Variants in MYT1L observed in about 807,000 individuals in gnomAD.
MYT1L encodes myelin transcription factor 1-like protein.
MYT1L carries 12 observed loss-of-function variants against 126.7 expected under a neutral mutation model. That is an observed-to-expected ratio of 0.09 (90% CI 0.06 to 0.15). The LOEUF (loss-of-function observed/expected upper bound fraction) is 0.15. Ranked by LOEUF, MYT1L falls within the 10% of genes least tolerant of loss-of-function variation. MYT1L has a pLI of 1.00. For synonymous variants in MYT1L, 541 were observed against 604.2 expected, an observed-to-expected ratio of 0.90 and a Z score of 1.53; for missense variants, 979 against 1,585.2, an observed-to-expected ratio of 0.62 and a Z score of 6.49.
chr2:1,936,429 T>G (rs890157058), intron 9 of MYT1L, among the ~76,000 whole-genome samples: 1 of 152,252 alleles, frequency 6.6e-6, no homozygotes, highest in Admixed American at 6.5e-5. Flanking sequence ...CAAGATGCAG[T>G]GCCATGTACT....
intron 1 of MYT1L, among the ~76,000 whole-genome samples, chr2:2,299,421 G>T (rs996910963): frequency 6.6e-6 from 1 of 152,224 alleles, no homozygotes; most frequent in Non-Finnish European, 1.5e-5. Context: ...AGTTCGAACT[G>T]GTGTGGGCAG....
chr2:2,279,552 AGAAG>A (rs1395114403), intron 2 of MYT1L, among the ~76,000 whole-genome samples: 1 of 95,656 alleles, frequency 1.0e-5, no homozygotes, highest in Non-Finnish European at 2.3e-5. Context: ...AGAGAAAGAG[AGAAG>A]GAATGAATGA....
intron 3 of MYT1L, among the ~76,000 whole-genome samples, chr2:2,131,798 T>C (rs534320690): frequency 2.0e-5 from 3 of 152,042 alleles, no homozygotes; most frequent in South Asian, 2.1e-4. Context: ...AACTCGGTCA[T>C]GTAACCTCAC....
intron 2 of MYT1L, among the ~76,000 whole-genome samples, chr2:2,225,780 A>G (rs903882160): frequency 3.3e-5 from 5 of 152,086 alleles, no homozygotes; most frequent in African/African-American, 1.2e-4. Flanking sequence ...ATCATGGAGA[A>G]ACTTAAGGGG....
At chr2:1,872,087 TG>T (rs1318236553) in intron 18 of MYT1L, among the ~76,000 whole-genome samples, 4 of 152,118 alleles carry the variant, frequency 2.6e-5, no homozygotes, top group Admixed American at 2.6e-4. Flanking sequence ...CCTGGGGAAG[TG>T]GAAGTCTAAT....
chr2:1,903,400 C>T (rs942501154), intron 13 of MYT1L, 106 bp from the exon 14 acceptor site: 8 of 876,822 alleles, frequency 9.1e-6, no homozygotes, highest in Admixed American at 2.7e-5. Context: ...ATGTGTTAAA[C>T]AATCAGAACC....
At chr2:1,808,276 A>T (rs540741126) in intron 22 of MYT1L, among the ~76,000 whole-genome samples, 36 of 152,224 alleles carry the variant, frequency 2.4e-4, no homozygotes, top group Non-Finnish European at 4.1e-4. Context: ...CCCAGCCAAC[A>T]GTCACAACCA....
rs2094438541 is a variant in MYT1L, at chr2:2,241,414, C to T, written c.-421+42990G>A. On this transcript the variant is annotated intron_variant, in intron 2 of 24. Transcript: ENST00000647738. Reference sequence around the variant, plus strand: ...CTATGACCCCAGCATGGCAAACGCTCCTCTCTCCTCAGTTCTCCGGCACTG... The same window carrying T: ...CTATGACCCCAGCATGGCAAACGCTTCTCTCTCCTCAGTTCTCCGGCACTG... Among the ~76,000 whole-genome samples the T allele has an allele frequency of 3.3e-5, 5 of 152,270 alleles. No homozygotes were observed. The South Asian group carries it at 1.0e-3, about 32-fold the overall frequency.
intron 2 of MYT1L, among the ~76,000 whole-genome samples, chr2:2,215,419 T>C (rs2093649290): frequency 6.6e-6 from 1 of 152,226 alleles, no homozygotes. Context: ...ACAAGGAAGC[T>C]TTCAAAGCAA....
In MYT1L at chr2:1,857,394, G is replaced by A. The variant is rs898412467; in HGVS notation, c.2712-5691C>T. On this transcript the variant is annotated intron_variant, in intron 18 of 24. Transcript: ENST00000647738. ...TCTGAGGCTGCCCTCATCTAATTGA[G>A]TCATTCCTCAAAGGCTCCCCGGATT... Among the ~76,000 whole-genome samples, 8 of 152,150 alleles carry A rather than the reference G, an allele frequency of 5.3e-5. 1 individual carries two copies. Among genetic ancestry groups the A allele is most frequent in the Admixed American group, 5.2e-4 (8 of 15,276 alleles).
chr2:1,995,762 G>A lies in MYT1L; in HGVS notation c.-1+1429C>T, dbSNP rs73190452. On this transcript the variant is annotated intron_variant, in intron 5 of 24. Transcript: ENST00000647738. ...CCAGACAACACTGCCTGGGCTTGGTGCTCCTTTATCAAGGGGAGTCCCAGG... is the reference window on the plus strand; with the variant it reads ...CCAGACAACACTGCCTGGGCTTGGTACTCCTTTATCAAGGGGAGTCCCAGG... Among the ~76,000 whole-genome samples, 685 of 152,292 alleles carry A rather than the reference G, an allele frequency of 4.5e-3. 4 individuals are homozygous for A. Among genetic ancestry groups the A allele is most frequent in the African/African-American group, 0.016 (651 of 41,574 alleles).
chr2:1,950,953 C>A (rs1030001041), intron 8 of MYT1L, among the ~76,000 whole-genome samples: 12 of 152,090 alleles, frequency 7.9e-5, no homozygotes, highest in African/African-American at 2.9e-4. Flanking sequence ...GTAGGACATG[C>A]AGGAGTGAGG....
At chr2:2,297,893 A>T (rs1490523619) in intron 1 of MYT1L, among the ~76,000 whole-genome samples, 2 of 152,358 alleles carry the variant, frequency 1.3e-5, no homozygotes, top group East Asian at 3.9e-4. Context: ...AGGATGCCTG[A>T]GCCCTTCATT....
At chr2:2,002,051 C>T (rs907464853) in intron 4 of MYT1L, among the ~76,000 whole-genome samples, 2 of 152,194 alleles carry the variant, frequency 1.3e-5, no homozygotes, top group Admixed American at 6.5e-5. Context: ...GTGATAAAAT[C>T]AAACATTTCA....
intron 2 of MYT1L, among the ~76,000 whole-genome samples, chr2:2,219,338 G>T (rs1377950734): frequency 6.6e-6 from 1 of 152,190 alleles, no homozygotes; most frequent in Non-Finnish European, 1.5e-5. Flanking sequence ...TTCTGCATAA[G>T]TTAAGGTGAG....
intron 4 of MYT1L, among the ~76,000 whole-genome samples, chr2:2,027,779 T>C (rs1452914952): frequency 6.6e-6 from 1 of 150,614 alleles, no homozygotes; most frequent in African/African-American, 2.5e-5. Context: ...CCTGCCTGAG[T>C]GATCAAGGGA....
chr2:1,938,983 T>A (rs568113398), intron 9 of MYT1L, among the ~76,000 whole-genome samples: 1 of 152,324 alleles, frequency 6.6e-6, no homozygotes, highest in African/African-American at 2.4e-5. Context: ...AAAGTCCACA[T>A]TTCAGTTTAC....
intron 3 of MYT1L, among the ~76,000 whole-genome samples, chr2:2,069,348 T>A (rs1311678383): frequency 6.6e-6 from 1 of 152,182 alleles, no homozygotes; most frequent in Non-Finnish European, 1.5e-5. Flanking sequence ...TTGTGTTAGT[T>A]TGCTGAGAAT....
chr2:2,230,744 C>T (rs540461894), intron 2 of MYT1L, among the ~76,000 whole-genome samples: 7 of 152,328 alleles, frequency 4.6e-5, no homozygotes, highest in Non-Finnish European at 7.3e-5. Flanking sequence ...CTGCACACCA[C>T]GCTGAAAGAT....
Sources: allele counts gnomAD v4.1 joint callset (sites outside exome capture counted in the v4.1 genomes callset), GRCh38; gene constraint gnomAD v4.1.1; transcripts MANE v1.5; gene names NCBI Gene and HGNC (gene_info 2026-07-23, HGNC 2026-07-21).